KCNH7: variants seen among roughly 807,000 people sequenced by gnomAD.
The protein encoded by KCNH7 is potassium voltage-gated channel subfamily H member 7.
In KCNH7, 49 loss-of-function variants were observed where a neutral mutation model predicts 120.8. The ratio of observed to expected loss-of-function variants is 0.41; its 90% CI spans 0.32 to 0.51. KCNH7 has a LOEUF of 0.51. Among genes scored for constraint, KCNH7 ranks in the 20% least tolerant of loss-of-function variants. The pLI, the probability that KCNH7 is intolerant of heterozygous loss-of-function variation, is 0.38. For synonymous variants in KCNH7, 547 were observed against 516.1 expected (o/e 1.06, Z -0.81); for missense variants, 1,097 against 1,446.6 (o/e 0.76, Z 3.92).
chr2:162,671,319 T>G (rs1244599415), intron 2 of KCNH7, among the ~76,000 whole-genome samples: 1 of 151,788 alleles, frequency 6.6e-6, no homozygotes, highest in Admixed American at 6.6e-5. Context: ...TGTCCACCAA[T>G]GGATAATTGG....
chr2:162,516,368 G>A (rs1691295977), intron 4 of KCNH7, among the ~76,000 whole-genome samples: 1 of 151,776 alleles, frequency 6.6e-6, no homozygotes, highest in African/African-American at 2.4e-5. Context: ...GCTGCTGAGT[G>A]GTAGTGTAAG....
intron 3 of KCNH7, among the ~76,000 whole-genome samples, chr2:162,518,443 A>T (rs141461115): frequency 5.1e-4 from 78 of 151,968 alleles, no homozygotes; most frequent in African/African-American, 1.5e-3. Context: ...TTAATAAAAT[A>T]AAAACATTCA....
At chr2:162,656,802 G>A (rs1198842225) in intron 2 of KCNH7, among the ~76,000 whole-genome samples, 1 of 152,160 alleles carries the variant, frequency 6.6e-6, no homozygotes, top group Non-Finnish European at 1.5e-5. Flanking sequence ...AAGGAAAAAT[G>A]CAGAGATTTG....
At chr2:162,689,977 T>G (rs1289171052) in intron 2 of KCNH7, among the ~76,000 whole-genome samples, 1 of 152,086 alleles carries the variant, frequency 6.6e-6, no homozygotes, top group African/African-American at 2.4e-5. Context: ...AGGAATCAAT[T>G]TAAATGCTCA....
chr2:162,684,953 G>A (rs768184667), intron 2 of KCNH7, among the ~76,000 whole-genome samples: 16 of 152,044 alleles, frequency 1.1e-4, no homozygotes, highest in African/African-American at 3.1e-4. Context: ...CAACCCAAAC[G>A]CCCATCAGTG....
chr2:162,707,077 T>C (rs1009871667), intron 2 of KCNH7, among the ~76,000 whole-genome samples: 4 of 152,114 alleles, frequency 2.6e-5, no homozygotes, highest in Non-Finnish European at 4.4e-5. Flanking sequence ...TCAAGAGATT[T>C]TACATTCAAA....
chr2:162,817,375 A>AT (rs897665321), intron 2 of KCNH7, among the ~76,000 whole-genome samples: 1 of 152,034 alleles, frequency 6.6e-6, no homozygotes, highest in Non-Finnish European at 1.5e-5. Context: ...GAAATCATGC[A>AT]TTTTTTATAT....
chr2:162,386,695 T>A (rs1004419045), intron 12 of KCNH7, among the ~76,000 whole-genome samples: 2 of 151,822 alleles, frequency 1.3e-5, no homozygotes, highest in Non-Finnish European at 2.9e-5. Context: ...CCAATCAAGG[T>A]CTGGATAATG....
At chr2:162,448,104 A>G (rs1023637599) in intron 6 of KCNH7, among the ~76,000 whole-genome samples, 3 of 152,066 alleles carry the variant, frequency 2.0e-5, no homozygotes, top group African/African-American at 7.2e-5. Context: ...AAATAAAGTG[A>G]TTTTGTTATC....
At chr2:162,661,256 T>G (rs1435144138) in intron 2 of KCNH7, among the ~76,000 whole-genome samples, 1 of 152,134 alleles carries the variant, frequency 6.6e-6, no homozygotes, top group Non-Finnish European at 1.5e-5. Context: ...AAAATCAATT[T>G]TTATCCCTCA....
At chr2:162,720,029 A>T (rs1687272539) in intron 2 of KCNH7, among the ~76,000 whole-genome samples, 1 of 152,074 alleles carries the variant, frequency 6.6e-6, no homozygotes, top group Non-Finnish European at 1.5e-5. Flanking sequence ...GGTCATACAT[A>T]GCCTTTATTG....
intron 2 of KCNH7, among the ~76,000 whole-genome samples, chr2:162,680,044 A>G (rs1190579397): frequency 6.6e-6 from 1 of 151,804 alleles, no homozygotes; most frequent in Non-Finnish European, 1.5e-5. Flanking sequence ...TGACTAATTT[A>G]TGTTCTGCAA....
intron 2 of KCNH7, among the ~76,000 whole-genome samples, chr2:162,807,841 C>T (rs550166760): frequency 2.6e-4 from 40 of 152,178 alleles, no homozygotes; most frequent in Admixed American, 3.9e-4. Context: ...CGCCACCACA[C>T]CCAGCTAATT....
At chr2:162,812,346 G>A (rs974752649) in intron 2 of KCNH7, among the ~76,000 whole-genome samples, 1 of 152,092 alleles carries the variant, frequency 6.6e-6, no homozygotes, top group Non-Finnish European at 1.5e-5. Flanking sequence ...GCAGAGACTG[G>A]CATCTGCAGG....
At chr2:162,535,243 T>C (rs1692067424) in intron 3 of KCNH7, among the ~76,000 whole-genome samples, 2 of 151,872 alleles carry the variant, frequency 1.3e-5, no homozygotes, top group Middle Eastern at 6.8e-3. Context: ...CCAGCACATT[T>C]TGACAAGAGA....
At chr2:162,558,557 A>G (rs1481924286) in intron 2 of KCNH7, among the ~76,000 whole-genome samples, 1 of 150,038 alleles carries the variant, frequency 6.7e-6, no homozygotes, top group East Asian at 2.0e-4. Context: ...AATGAAGAAA[A>G]AATGAGAACC....
intron 8 of KCNH7, among the ~76,000 whole-genome samples, chr2:162,433,762 A>T (rs1331908504): frequency 6.6e-6 from 1 of 152,080 alleles, no homozygotes; most frequent in Non-Finnish European, 1.5e-5. Flanking sequence ...GGGGAATATA[A>T]GCATTTATTG....
In KCNH7 at chr2:162,442,112, G is replaced by GC. The variant is rs372447026; in HGVS notation, c.1554+3905dup. Among the ~76,000 whole-genome samples the GC allele has an allele frequency of 4.3e-3, 578 of 133,660 alleles. 10 individuals carry two copies. The highest frequency in any genetic ancestry group is 0.015 in the African/African-American group (537 of 36,470). 87.7% of individuals were successfully genotyped at this position (133,660 alleles called of 152,430 possible). A position where few individuals can be genotyped will look rare whatever the true frequency, so the allele number is the denominator to read the frequency against. ...GCTATCTCTGCTCACTGCAAGCTCC[G>GC]CCTCCCAGGTTCACACCATTCTCCT... On this transcript the variant is annotated intron_variant, in intron 7 of 15. Coordinates refer to ENST00000332142, the MANE Select transcript of KCNH7 (RefSeq NM_033272.4).
intron 2 of KCNH7, among the ~76,000 whole-genome samples, chr2:162,770,534 T>C (rs1219711174): frequency 6.6e-6 from 1 of 152,042 alleles, no homozygotes; most frequent in Non-Finnish European, 1.5e-5. Context: ...TTTCATAAAC[T>C]GTAAAACAAT....
Sources: gnomAD v4.1 joint callset for allele counts (sites outside exome capture counted in the v4.1 genomes callset) on GRCh38, gnomAD v4.1.1 for gene constraint, MANE v1.5 for transcripts, NCBI Gene and HGNC (gene_info 2026-07-23, HGNC 2026-07-21) for gene names.